C6orf52: variants seen among roughly 807,000 people sequenced by gnomAD.
The protein encoded by C6orf52 is chromosome 6 open reading frame 52, also known as putative uncharacterized protein C6orf52.
C6orf52 carries 16 observed loss-of-function variants against 16.6 expected under a neutral mutation model. The observed-to-expected ratio is 0.96, with a 90% CI of 0.65 to 1.46. C6orf52 has a LOEUF of 1.46. C6orf52 is among the 40% of genes most tolerant of loss of function. The probability of loss-of-function intolerance (pLI) is 0.00; values close to 1 mark genes in which losing one functional copy is unlikely to be tolerated. For synonymous variants in C6orf52, 53 were observed against 61.4 expected (o/e 0.86, Z 0.64); for missense variants, 166 against 182.3 (o/e 0.91, Z 0.52).
Position 10,694,601 on chromosome 6 carries a change from C to T in C6orf52, c.-119G>A, listed in dbSNP as rs1769705711. 5 of 175,890 alleles carry T rather than the reference C, an allele frequency of 2.8e-5. No individual in the cohort carries two copies. Among genetic ancestry groups the T allele is most frequent in the South Asian group, 2.2e-4 (2 of 9,080 alleles). 10.9% of individuals were successfully genotyped at this position (175,890 alleles called of 1,614,324 possible). On this transcript the variant is annotated 5_prime_UTR_variant, in exon 1 of 5. Transcript: ENST00000259983. ...CGCTGCCGGCGCTACAGCCCCTAAG[C>T]AACCGGCCGGAAGTCGGCCCCACCT...
intron 4 of C6orf52, among the ~76,000 whole-genome samples, chr6:10,682,156 C>T (rs1768451835): frequency 6.6e-6 from 1 of 152,188 alleles, no homozygotes; most frequent in Admixed American, 6.5e-5. Context: ...ATCCTCCTCA[C>T]CCTTCAATGT....
In C6orf52 at chr6:10,686,971, G is replaced by A. The variant is rs1768912220; in HGVS notation, c.265C>T (p.Pro89Ser). ...TTCATTCTAGCAAGGGATACCTTAGGCATAACCAGAGTTCCAGCTGTGTGT... is the reference window on the plus strand; with the variant it reads ...TTCATTCTAGCAAGGGATACCTTAGACATAACCAGAGTTCCAGCTGTGTGT... ...PEHTAGTLVM[P>S]KETTPLAENQ... is the part of the protein sequence containing the mutation. Residue 89 changes from proline to serine, a missense_variant, in exon 3 of 5, where the codon CCT becomes TCT. By Grantham distance (74) the Pro-to-Ser change is moderately conservative. Coordinates refer to ENST00000259983, the MANE Select transcript of C6orf52 (RefSeq NM_001145020.3). 1 of 1,545,562 alleles carries A rather than the reference G, an allele frequency of 6.5e-7. No homozygotes were observed.
intron 4 of C6orf52, among the ~76,000 whole-genome samples, chr6:10,677,384 T>C (rs1303460574): frequency 6.6e-6 from 1 of 152,150 alleles, no homozygotes; most frequent in African/African-American, 2.4e-5. Context: ...GTGTCTGTTA[T>C]TATGCCAGTA....
At chr6:10,683,304 G>GA in intron 3 of C6orf52, 72 bp from the exon 4 acceptor site, 1 of 920,704 alleles carries the variant, frequency 1.1e-6, no homozygotes, top group Non-Finnish European at 1.7e-6. Context: ...ACTTTATTGG[G>GA]AAAAACTCTA....
chr6:10,688,512 C>T (rs1046843740), intron 1 of C6orf52, among the ~76,000 whole-genome samples: 17 of 152,168 alleles, frequency 1.1e-4, no homozygotes, highest in Non-Finnish European at 1.9e-4. Context: ...TCAAAACATT[C>T]GGATCATTCA....
At chr6:10,683,625 AG>A (rs1768597939) in intron 3 of C6orf52, among the ~76,000 whole-genome samples, 1 of 152,218 alleles carries the variant, frequency 6.6e-6, no homozygotes, top group South Asian at 2.1e-4. Flanking sequence ...TCCTTCCAGA[AG>A]ACAATCTGTT....
intron 1 of C6orf52, among the ~76,000 whole-genome samples, chr6:10,687,803 C>T (rs1768986713): frequency 6.6e-6 from 1 of 152,154 alleles, no homozygotes; most frequent in Non-Finnish European, 1.5e-5. Context: ...CTCGGGCTTC[C>T]ACCTGCCAGC....
intron 1 of C6orf52, among the ~76,000 whole-genome samples, chr6:10,688,067 T>C (rs1769005844): frequency 6.6e-6 from 1 of 152,144 alleles, no homozygotes. Context: ...GAAAGCATCA[T>C]CCAACTACCT....
At chr6:10,685,063 C>A in intron 3 of C6orf52, 3 of 303,740 alleles carry the variant, frequency 9.9e-6, no homozygotes, top group South Asian at 2.9e-5. Flanking sequence ...GAAGGGGTAG[C>A]CAGGTGAGAA....
At chr6:10,692,674 C>A (rs1019847865) in intron 1 of C6orf52, among the ~76,000 whole-genome samples, 5 of 152,062 alleles carry the variant, frequency 3.3e-5, no homozygotes, top group African/African-American at 1.2e-4. Flanking sequence ...CTCTTGATCT[C>A]GTCAAAGTGC....
Position 10,694,602 on chromosome 6 carries a change from A to ATGAGTGTAG in C6orf52, c.-121_-120insCTACACTCA. On this transcript the variant is annotated 5_prime_UTR_variant, in exon 1 of 5. It adds an upstream start codon to the 5' untranslated region. Transcript: ENST00000259983. ...GCTGCCGGCGCTACAGCCCCTAAGC[A>ATGAGTGTAG]ACCGGCCGGAAGTCGGCCCCACCTC... The ATGAGTGTAG allele has an allele frequency of 5.1e-6, 1 of 196,506 alleles. No homozygotes were observed. The highest frequency in any genetic ancestry group is 7.2e-5 in the South Asian group (1 of 13,822). 12.2% of individuals were successfully genotyped at this position (196,506 alleles called of 1,614,324 possible). A position where few individuals can be genotyped will look rare whatever the true frequency, so the allele number is the denominator to read the frequency against.
At chr6:10,674,004 C>T (rs1354405606) in intron 4 of C6orf52, among the ~76,000 whole-genome samples, 1 of 152,108 alleles carries the variant, frequency 6.6e-6, no homozygotes, top group Non-Finnish European at 1.5e-5. Context: ...CTGACTAGTT[C>T]GTAAACAACA....
chr6:10,692,826 G>T (rs1769462576), intron 1 of C6orf52, among the ~76,000 whole-genome samples: 1 of 152,178 alleles, frequency 6.6e-6, no homozygotes, highest in African/African-American at 2.4e-5. Context: ...GCCCAGCCAA[G>T]AAAGATTTTG....
chr6:10,686,675 G>C (rs1027783618), intron 3 of C6orf52, among the ~76,000 whole-genome samples: 2 of 152,160 alleles, frequency 1.3e-5, no homozygotes, highest in African/African-American at 4.8e-5. Flanking sequence ...GTTGTTTCTA[G>C]AAGAGAATGG....
At chr6:10,677,828 A>C (rs561793518) in intron 4 of C6orf52, among the ~76,000 whole-genome samples, 1 of 151,650 alleles carries the variant, frequency 6.6e-6, no homozygotes, top group Non-Finnish European at 1.5e-5. Flanking sequence ...GACACTGTGC[A>C]CTCGGTCATT....
rs867864371 is a variant in C6orf52, at chr6:10,687,093, G to A, written c.143C>T (p.Ala48Val). Residue 48 changes from alanine (A) to valine (V), a missense_variant, in exon 3 of 5, where the codon GCG (alanine) becomes GTG (valine). Ala to Val is a moderately conservative substitution (Grantham distance 64). Transcript: ENST00000259983. ...SQSYRYGNWYARQHGSYLLSG... is the reference protein window; with the variant it reads ...SQSYRYGNWYVRQHGSYLLSG... ...AAGAAGGTAAGAGCCGTGCTGTCGC[G>A]CATACCAGTTGCCATAGCGGTAACT... The A allele has an allele frequency of 3.2e-6, 5 of 1,551,778 alleles. No individual in the cohort carries two copies. Among genetic ancestry groups the A allele is most frequent in the African/African-American group, 1.4e-5 (1 of 73,134 alleles).
intron 1 of C6orf52, among the ~76,000 whole-genome samples, chr6:10,690,617 C>G (rs1769208894): frequency 6.6e-6 from 1 of 152,180 alleles, no homozygotes; most frequent in Admixed American, 6.5e-5. Context: ...GAAAAACTAG[C>G]TTTTACTTTA....
chr6:10,677,856 A>G (rs1170253589), intron 4 of C6orf52, among the ~76,000 whole-genome samples: 2 of 151,852 alleles, frequency 1.3e-5, no homozygotes, highest in South Asian at 2.1e-4. Context: ...ATTTCTATGT[A>G]GAATGCCATT....
intron 1 of C6orf52, among the ~76,000 whole-genome samples, chr6:10,691,724 C>CA (rs1769326724): frequency 1.3e-5 from 2 of 152,112 alleles, no homozygotes; most frequent in Admixed American, 6.5e-5. Context: ...TCATGGGATT[C>CA]AAAACCCCTG....
Sources: gnomAD v4.1 joint callset for allele counts (sites outside exome capture counted in the v4.1 genomes callset) on GRCh38, gnomAD v4.1.1 for gene constraint, MANE v1.5 for transcripts, NCBI Gene and HGNC (gene_info 2026-07-23, HGNC 2026-07-21) for gene names.